The following PRKN variants were observed in gnomAD, a reference collection of about 807,000 sequenced individuals.
The protein encoded by PRKN is parkin RBR E3 ubiquitin protein ligase, also known as E3 ubiquitin-protein ligase parkin.
In PRKN, 56 loss-of-function variants were observed where a neutral mutation model predicts 59.5. That is an observed-to-expected ratio of 0.94 (90% CI 0.76 to 1.18). The LOEUF is 1.18. PRKN is among the 50% of genes most tolerant of loss of function. The pLI is 0.00. For missense variants in PRKN, 657 were observed against 596.4 expected (o/e 1.10, Z -1.06); for synonymous variants, 250 against 222.1 (o/e 1.13, Z -1.12).
chr6:162,292,295 T>C (rs1020742846), intron 2 of PRKN, among the ~76,000 whole-genome samples: 31 of 152,248 alleles, frequency 2.0e-4, no homozygotes, highest in African/African-American at 7.0e-4. Context: ...TTGGCACTGA[T>C]CCGTCTTTCA....
rs1179010367 is a variant in PRKN, at chr6:161,362,718, T to C, written c.1168-2513A>G. On this transcript the variant is annotated intron_variant, in intron 10 of 11. Coordinates refer to ENST00000366898, the MANE Select transcript of PRKN (RefSeq NM_004562.3). The surrounding 1 kb of genome is among the most constrained non-coding windows in gnomAD (Gnocchi z 5.2). Reference sequence around the variant, plus strand: ...AATTTGAAATATTACCAGATTGGCATATACCCTGGAACCAGGCGGAAGCAA... The same window carrying C: ...AATTTGAAATATTACCAGATTGGCACATACCCTGGAACCAGGCGGAAGCAA... Among the ~76,000 whole-genome samples the C allele has an allele frequency of 6.6e-6, 1 of 152,224 alleles. No homozygotes were observed. Among genetic ancestry groups the C allele is most frequent in the Non-Finnish European group, 1.5e-5 (1 of 68,044 alleles).
intron 4 of PRKN, among the ~76,000 whole-genome samples, chr6:162,151,041 A>G (rs1002711531): frequency 2.6e-5 from 4 of 152,354 alleles, no homozygotes; most frequent in Non-Finnish European, 2.9e-5. Context: ...TATATGAGGC[A>G]ATAAAGACAG....
At chr6:162,513,961 C>A (rs113234434) in intron 1 of PRKN, among the ~76,000 whole-genome samples, 2 of 151,480 alleles carry the variant, frequency 1.3e-5, no homozygotes, top group Admixed American at 1.3e-4. Flanking sequence ...CAGGAGAATC[C>A]CTTGAACCTG....
intron 7 of PRKN, among the ~76,000 whole-genome samples, chr6:161,755,457 AG>A (rs1788876489): frequency 6.6e-6 from 1 of 152,102 alleles, no homozygotes; most frequent in Non-Finnish European, 1.5e-5. Context: ...GTAATATCGA[AG>A]GGTTATGGAT....
chr6:161,978,882 C>T (rs1781153882), intron 5 of PRKN, among the ~76,000 whole-genome samples: 1 of 152,210 alleles, frequency 6.6e-6, no homozygotes, highest in South Asian at 2.1e-4. Context: ...GGGGGAGCAG[C>T]CGGGCAGTGT....
At chr6:162,518,249 C>T (rs1174226931) in intron 1 of PRKN, among the ~76,000 whole-genome samples, 1 of 152,122 alleles carries the variant, frequency 6.6e-6, no homozygotes, top group Non-Finnish European at 1.5e-5. Flanking sequence ...TTAATATAAG[C>T]ACTTATCATT....
chr6:162,414,137 C>T (rs941957393), intron 2 of PRKN, among the ~76,000 whole-genome samples: 1 of 152,028 alleles, frequency 6.6e-6, no homozygotes, highest in Non-Finnish European at 1.5e-5. Context: ...GAGCTGAAAT[C>T]ATGCCACTGC....
intron 9 of PRKN, among the ~76,000 whole-genome samples, chr6:161,464,007 G>A (rs543726586): frequency 1.1e-4 from 17 of 152,074 alleles, no homozygotes; most frequent in African/African-American, 4.1e-4. Context: ...TTGTTGCCCA[G>A]GCTGAAGTGC....
At chr6:162,659,064 A>C (rs891661845) in intron 1 of PRKN, among the ~76,000 whole-genome samples, 3 of 152,202 alleles carry the variant, frequency 2.0e-5, no homozygotes, top group Non-Finnish European at 4.4e-5. Flanking sequence ...TCAAAGTATA[A>C]CTTTTTATGG....
intron 7 of PRKN, among the ~76,000 whole-genome samples, chr6:161,766,145 A>T (rs1789412993): frequency 6.6e-6 from 1 of 152,156 alleles, no homozygotes; most frequent in Admixed American, 6.5e-5. Context: ...CTTTTATTCT[A>T]CAAAAATATA....
intron 7 of PRKN, among the ~76,000 whole-genome samples, chr6:161,671,357 T>G (rs1347661722): frequency 6.6e-6 from 1 of 152,134 alleles, no homozygotes; most frequent in East Asian, 1.9e-4. Flanking sequence ...CACACTGAAA[T>G]AAGACGGGCT....
chr6:162,317,493 T>G (rs9456764), intron 2 of PRKN, among the ~76,000 whole-genome samples: 34,470 of 151,956 alleles, frequency 0.23, 4,801 homozygotes, highest in East Asian at 0.52. Flanking sequence ...AAGTCTTTAT[T>G]AGCAGCATGA....
At chr6:162,595,264 C>A (rs933880007) in intron 1 of PRKN, among the ~76,000 whole-genome samples, 8 of 151,676 alleles carry the variant, frequency 5.3e-5, no homozygotes, top group Non-Finnish European at 1.0e-4. Context: ...TTTCTTTTTT[C>A]TTTATTTTTT....
rs1374832922 is a variant in PRKN, at chr6:161,983,829, C to T, written c.619-10412G>A. On this transcript the variant is annotated intron_variant, in intron 5 of 11. Coordinates refer to ENST00000366898, the MANE Select transcript of PRKN (RefSeq NM_004562.3). The stretch of plus-strand genomic sequence containing the variant: ...CTAGATGACACATTAGTGGGTGCAG[C>T]GCACCAGCACGGCACATGTATACAT... Among the ~76,000 whole-genome samples, 605 of 111,146 alleles carry T rather than the reference C, an allele frequency of 5.4e-3. 35 individuals carry two copies. Among genetic ancestry groups the T allele is most frequent in the African/African-American group, 0.022 (573 of 26,138 alleles). The allele number at this position is 111,146 out of a possible 152,430, so 72.9% of individuals were successfully genotyped here.
intron 9 of PRKN, among the ~76,000 whole-genome samples, chr6:161,398,928 C>T (rs1003596335): frequency 6.6e-6 from 1 of 152,158 alleles, no homozygotes; most frequent in Non-Finnish European, 1.5e-5. Context: ...GCCTGGAAAC[C>T]CATGGCCCTA....
intron 7 of PRKN, among the ~76,000 whole-genome samples, chr6:161,638,861 C>T (rs1378707152): frequency 6.6e-6 from 1 of 151,304 alleles, no homozygotes; most frequent in Admixed American, 6.6e-5. Context: ...CCTGCCTCAG[C>T]CTCCTGAGAA....
At chr6:162,706,567 C>A (rs1337011681) in intron 1 of PRKN, among the ~76,000 whole-genome samples, 1 of 152,184 alleles carries the variant, frequency 6.6e-6, no homozygotes, top group Admixed American at 6.5e-5. Flanking sequence ...CGTCCAAGTG[C>A]ATAAGCTTCC....
At chr6:161,795,655 C>T (rs1351919613) in intron 6 of PRKN, among the ~76,000 whole-genome samples, 2 of 152,130 alleles carry the variant, frequency 1.3e-5, no homozygotes, top group African/African-American at 4.8e-5. Context: ...GAGGGGGATG[C>T]AGCTGTTGCT....
rs914168924 is a variant in PRKN at position 161,546,954 on chromosome 6, C to T, written c.1083+1900G>A. 6.6e-6 allele frequency among the ~76,000 whole-genome samples: 1 copy of T among 152,068 alleles called. No individual in the cohort carries two copies. The highest frequency in any genetic ancestry group is 1.5e-5 in the Non-Finnish European group (1 of 68,008). ...GCCAACAGTCATGTGAATGAGCTAC[C>T]TTGGAAGTAGATCTTCCAGCCCCAG... On this transcript the variant is annotated intron_variant, in intron 9 of 11. Coordinates refer to ENST00000366898, the MANE Select transcript of PRKN (RefSeq NM_004562.3). This position sits in a 1 kb window ranked among gnomAD's most constrained non-coding sequence, Gnocchi z 4.4.
Sources: gnomAD v4.1 joint callset for allele counts (sites outside exome capture counted in the v4.1 genomes callset) on GRCh38, gnomAD v4.1.1 for gene constraint, Gnocchi (gnomAD v3.1) non-coding constraint, MANE v1.5 for transcripts, NCBI Gene and HGNC (gene_info 2026-07-23, HGNC 2026-07-21) for gene names.